The following PRKCA variants were observed in gnomAD, a reference collection of about 807,000 sequenced individuals.
PRKCA encodes the protein protein kinase C alpha type.
A neutral mutation model predicts 87.0 loss-of-function variants in PRKCA; 27 were observed. That is an observed-to-expected ratio of 0.31 (90% CI 0.23 to 0.43). The LOEUF (loss-of-function observed/expected upper bound fraction) is 0.43. PRKCA is among the 20% of genes least tolerant of loss of function. PRKCA has a pLI of 1.00. For missense variants in PRKCA, 518 were observed against 852.3 expected, an observed-to-expected ratio of 0.61 and a Z score of 4.88; for synonymous variants, 329 against 311.1, an observed-to-expected ratio of 1.06 and a Z score of -0.61.
At chr17:66,365,350 C>A (rs1235434172) in intron 2 of PRKCA, among the ~76,000 whole-genome samples, 6 of 152,096 alleles carry the variant, frequency 3.9e-5, no homozygotes, top group Admixed American at 3.9e-4. Context: ...GTCTTGCTGG[C>A]TTCCTGCAGC....
chr17:66,634,670 G>A (rs1186183786), intron 3 of PRKCA, among the ~76,000 whole-genome samples: 1 of 152,226 alleles, frequency 6.6e-6, no homozygotes, highest in Non-Finnish European at 1.5e-5. Flanking sequence ...CCATGTAGGA[G>A]ATAAAATGAT....
intron 2 of PRKCA, among the ~76,000 whole-genome samples, chr17:66,419,331 C>T (rs1912357163): frequency 6.6e-6 from 1 of 152,102 alleles, no homozygotes; most frequent in Non-Finnish European, 1.5e-5. Context: ...TGAAAAACCT[C>T]AGTACCCTTT....
intron 3 of PRKCA, among the ~76,000 whole-genome samples, chr17:66,561,922 G>A (rs1968690969): frequency 6.6e-6 from 1 of 151,746 alleles, no homozygotes; most frequent in Non-Finnish European, 1.5e-5. Flanking sequence ...TGGGTATAGA[G>A]TTTCAGTTGT....
Position 66,390,360 on chromosome 17 carries a change from A to G in PRKCA, c.205+84233A>G, listed in dbSNP as rs549045406. Among the ~76,000 whole-genome samples, 11 of 152,370 alleles carry G rather than the reference A, an allele frequency of 7.2e-5. No individual in the cohort carries two copies. In the East Asian group the frequency reaches 1.9e-3, roughly 27 times the overall value. ...AATAGTCAAAATATAGTTATAGGAA[A>G]TAATATTGAGAAGAAAAATATATTC... On this transcript the variant is annotated intron_variant, in intron 2 of 16. Transcript: ENST00000413366.
At chr17:66,696,298 G>A (rs547854585) in intron 8 of PRKCA, 2 of 152,268 alleles carry the variant, frequency 1.3e-5, no homozygotes, top group African/African-American at 4.8e-5. Context: ...TTTGAGCATG[G>A]TATTTTTCTA....
chr17:66,388,517 C>A (rs1046220211), intron 2 of PRKCA, among the ~76,000 whole-genome samples: 1 of 152,130 alleles, frequency 6.6e-6, no homozygotes, highest in Admixed American at 6.5e-5. Flanking sequence ...TGGTCTCGAA[C>A]TCTTGACCTC....
Position 66,688,284 on chromosome 17 carries a change from T to C in PRKCA, c.687-18T>C. ...TGATCAAGATAACCTAGTGTTTGCA[T>C]GTGTGTGTGTCTTGTAGCAAATTGA... On this transcript the variant is annotated intron_variant, in intron 6 of 16. Coordinates refer to ENST00000413366, the MANE Select transcript of PRKCA (RefSeq NM_002737.3). 2 of 1,609,626 alleles carry C rather than the reference T, an allele frequency of 1.2e-6. No individual in the cohort carries two copies. Among genetic ancestry groups the C allele is most frequent in the South Asian group, 1.1e-5 (1 of 90,582 alleles).
chr17:66,406,585 G>GTGTTTTTTTT (rs1911399732), intron 2 of PRKCA, among the ~76,000 whole-genome samples: 1 of 70,180 alleles, frequency 1.4e-5, no homozygotes, highest in Non-Finnish European at 2.7e-5. Context: ...GCTTTTCCAG[G>GTGTTTTTTTT]TTTTTTTTTT....
Position 66,687,076 on chromosome 17 carries a change from C to T in PRKCA, c.530-35C>T, listed in dbSNP as rs755610715. ...ACAGCGGGCAATATAGGTCTGTTCTCTTTTTGTAATATTTTCTTCCTTCTC... is the reference window on the plus strand; with the variant it reads ...ACAGCGGGCAATATAGGTCTGTTCTTTTTTTGTAATATTTTCTTCCTTCTC... On this transcript the variant is annotated intron_variant, in intron 5 of 16. Coordinates refer to ENST00000413366, the MANE Select transcript of PRKCA (RefSeq NM_002737.3). 87 of 1,570,298 alleles carry T rather than the reference C, an allele frequency of 5.5e-5. 1 individual carries two copies. The South Asian group carries it at 9.6e-4, about 17-fold the overall frequency.
chr17:66,636,975 CGTT>C (rs1378712279), intron 3 of PRKCA, among the ~76,000 whole-genome samples: 6 of 152,082 alleles, frequency 3.9e-5, no homozygotes, highest in African/African-American at 1.4e-4. Flanking sequence ...TTATTACTGT[CGTT>C]GTAATTCATA....
chr17:66,449,479 A>G (rs1914203678), intron 2 of PRKCA, among the ~76,000 whole-genome samples: 2 of 152,120 alleles, frequency 1.3e-5, no homozygotes, highest in Non-Finnish European at 2.9e-5. Flanking sequence ...TATTCTTTCA[A>G]TTGAACCTCG....
chr17:66,585,203 G>GC (rs1395481157), intron 3 of PRKCA, among the ~76,000 whole-genome samples: 3 of 152,128 alleles, frequency 2.0e-5, no homozygotes, highest in African/African-American at 7.2e-5. Flanking sequence ...CTTTTGTTAG[G>GC]CAGGTGGGTT....
chr17:66,527,887 A>G (rs1441269306), intron 3 of PRKCA, among the ~76,000 whole-genome samples: 2 of 152,214 alleles, frequency 1.3e-5, no homozygotes, highest in African/African-American at 2.4e-5. Flanking sequence ...AAAATGTTTA[A>G]TACAGTATTC....
chr17:66,319,758 T>C (rs1905538205), intron 2 of PRKCA, among the ~76,000 whole-genome samples: 1 of 152,188 alleles, frequency 6.6e-6, no homozygotes, highest in Non-Finnish European at 1.5e-5. Flanking sequence ...AATTTTTTAT[T>C]TGAGACAGAG....
intron 13 of PRKCA, among the ~76,000 whole-genome samples, chr17:66,765,418 C>CTATATATACATATATA (rs1555646686): frequency 1.1e-3 from 52 of 49,334 alleles, no homozygotes; most frequent in Non-Finnish European, 1.7e-3. Context: ...AAGACTTTGT[C>CTATATATACATATATA]TATATATATA....
chr17:66,715,296 C>T (rs1308254267), intron 8 of PRKCA, among the ~76,000 whole-genome samples: 1 of 152,080 alleles, frequency 6.6e-6, no homozygotes, highest in African/African-American at 2.4e-5. Context: ...TTATTGACTT[C>T]AGGAGCTGCT....
chr17:66,799,765 T>G lies in PRKCA; in HGVS notation c.1855-4108T>G, dbSNP rs372794843. On this transcript the variant is annotated intron_variant, in intron 16 of 16. Coordinates refer to ENST00000413366, the MANE Select transcript of PRKCA (RefSeq NM_002737.3). Reference sequence around the variant, plus strand: ...AGTTCAAGATCTTCTCCAGTTTGACTTATAGTAGATTGTCTATTTCCAGGG... The same window carrying G: ...AGTTCAAGATCTTCTCCAGTTTGACGTATAGTAGATTGTCTATTTCCAGGG... 5.9e-5 allele frequency among the ~76,000 whole-genome samples: 9 copies of G among 151,852 alleles called. No individual in the cohort carries two copies. The East Asian group carries it at 7.7e-4, about 13-fold the overall frequency.
chr17:66,590,083 C>G (rs1386398522), intron 3 of PRKCA, among the ~76,000 whole-genome samples: 1 of 152,068 alleles, frequency 6.6e-6, no homozygotes, highest in Admixed American at 6.5e-5. Flanking sequence ...GGACAGGCAC[C>G]GGTCCATGGC....
chr17:66,607,167 C>T (rs886289854), intron 3 of PRKCA, among the ~76,000 whole-genome samples: 7 of 152,326 alleles, frequency 4.6e-5, no homozygotes, highest in Middle Eastern at 3.4e-3. Context: ...GATGCCGGCT[C>T]TCTTGGCTGA....
Sources: allele counts gnomAD v4.1 joint callset (sites outside exome capture counted in the v4.1 genomes callset), GRCh38; gene constraint gnomAD v4.1.1; transcripts MANE v1.5; gene names NCBI Gene and HGNC (gene_info 2026-07-23, HGNC 2026-07-21).